Variants in MTUS2 observed in about 807,000 individuals in gnomAD.
MTUS2 encodes the protein microtubule-associated tumor suppressor candidate 2.
MTUS2 carries 40 observed loss-of-function variants against 114.1 expected under a neutral mutation model. That is an observed-to-expected ratio of 0.35 (90% CI 0.27 to 0.46). The LOEUF (loss-of-function observed/expected upper bound fraction) is 0.46, where lower values mean the gene tolerates loss of function less well. MTUS2 is among the 20% of genes least tolerant of loss of function. The probability of loss-of-function intolerance (pLI) is 1.00; values close to 1 mark genes in which losing one functional copy is unlikely to be tolerated. For synonymous variants in MTUS2, 688 were observed against 672.0 expected (o/e 1.02, Z -0.37); for missense variants, 1,679 against 1,705.4 (o/e 0.98, Z 0.27).
chr13:29,343,976 G>A (rs954527094), intron 7 of MTUS2, among the ~76,000 whole-genome samples: 12 of 152,072 alleles, frequency 7.9e-5, no homozygotes, highest in African/African-American at 2.2e-4. Context: ...GGTTCCTTTT[G>A]GAGTTGAGTT....
At chr13:29,066,959 A>C (rs1260805428) in intron 4 of MTUS2, among the ~76,000 whole-genome samples, 1 of 152,174 alleles carries the variant, frequency 6.6e-6, no homozygotes, top group Non-Finnish European at 1.5e-5. Context: ...AAGGTAGAAT[A>C]TAGATCTGTC....
rs757249069 is a variant in MTUS2 at position 29,033,968 on chromosome 13, C to T, written c.2289C>T (p.Ala763=). The change falls in exon 4 of 16, where the codon GCC becomes GCT. Residue 763 remains alanine (A), a synonymous_variant. Transcript: ENST00000612955. ...YEVPPTFYRS[A]MLLKPQLGLG... ...TCCCTCCAACTTTCTATCGGTCAGC[C>T]ATGCTCCTTAAGCCCCAGCTAGGAT... 1.1e-5 allele frequency: 18 copies of T among 1,613,870 alleles called. No homozygotes were observed. Among genetic ancestry groups the T allele is most frequent in the Admixed American group, 1.7e-5 (1 of 60,000 alleles).
At chr13:28,992,263 G>C (rs1884895660) in intron 2 of MTUS2, among the ~76,000 whole-genome samples, 1 of 152,202 alleles carries the variant, frequency 6.6e-6, no homozygotes, top group Non-Finnish European at 1.5e-5. Flanking sequence ...CCTGCCTGGG[G>C]GAGGTAGATG....
At chr13:28,908,701 C>T (rs1880209030) in intron 2 of MTUS2, among the ~76,000 whole-genome samples, 2 of 151,396 alleles carry the variant, frequency 1.3e-5, no homozygotes, top group African/African-American at 4.9e-5. Flanking sequence ...GTTCTAGATC[C>T]CTGAGGAATC....
chr13:29,089,310 G>C (rs1889835930), intron 4 of MTUS2, among the ~76,000 whole-genome samples: 5 of 152,196 alleles, frequency 3.3e-5, no homozygotes, highest in Non-Finnish European at 4.4e-5. Flanking sequence ...TAGGGTTTCT[G>C]CTGAAAGGTC....
intron 8 of MTUS2, among the ~76,000 whole-genome samples, chr13:29,410,800 C>A (rs2388083): frequency 6.7e-6 from 1 of 148,580 alleles, no homozygotes; most frequent in Non-Finnish European, 1.5e-5. Context: ...TAAAGTCATT[C>A]CCACACTATT....
rs1566172446 is a variant in MTUS2 at position 29,389,341 on chromosome 13, G to GTGTATGTATGTATA, written c.3117+29868_3117+29869insTGTATGTATGTATA. 5.0e-4 allele frequency among the ~76,000 whole-genome samples: 40 copies of GTGTATGTATGTATA among 79,990 alleles called. 3 individuals carry two copies. Among genetic ancestry groups the GTGTATGTATGTATA allele is most frequent in the Non-Finnish European group, 7.4e-4 (32 of 43,356 alleles). 52.5% of individuals were successfully genotyped at this position (79,990 alleles called of 152,430 possible). ...TACACATATGTGTGTATATATGTATGCACGTGTGTGTATATATGTATGCAC... is the reference window on the plus strand; with the variant it reads ...TACACATATGTGTGTATATATGTATGTGTATGTATGTATACACGTGTGTGTATATATGTATGCAC... On this transcript the variant is annotated intron_variant, in intron 8 of 15. Coordinates refer to ENST00000612955, the MANE Select transcript of MTUS2 (RefSeq NM_001033602.4).
chr13:29,108,333 G>A (rs1422453811), intron 5 of MTUS2, among the ~76,000 whole-genome samples: 6 of 152,186 alleles, frequency 3.9e-5, no homozygotes, highest in Non-Finnish European at 7.3e-5. Flanking sequence ...ATGATGAGTT[G>A]CACCCAGAGA....
chr13:29,121,710 G>A (rs539046046), intron 5 of MTUS2, among the ~76,000 whole-genome samples: 18 of 151,032 alleles, frequency 1.2e-4, no homozygotes, highest in African/African-American at 3.2e-4. Flanking sequence ...TGGCTGGAGC[G>A]CAATGGCATG....
At chr13:28,911,434 G>A (rs533080806) in intron 2 of MTUS2, among the ~76,000 whole-genome samples, 19 of 151,452 alleles carry the variant, frequency 1.3e-4, no homozygotes, top group Admixed American at 2.0e-4. Flanking sequence ...TCAGCCTCCC[G>A]AAGTGCTGGG....
At chr13:29,094,740 T>C (rs1399291600) in intron 4 of MTUS2, among the ~76,000 whole-genome samples, 7 of 152,062 alleles carry the variant, frequency 4.6e-5, no homozygotes, top group African/African-American at 1.7e-4. Context: ...TAGTTTGCTC[T>C]TCTTTCTTCA....
At chr13:28,907,718 A>G (rs1037999526) in intron 2 of MTUS2, among the ~76,000 whole-genome samples, 2 of 151,656 alleles carry the variant, frequency 1.3e-5, no homozygotes, top group Admixed American at 6.6e-5. Flanking sequence ...CTAAATATAT[A>G]TGCACCCAAT....
intron 2 of MTUS2, among the ~76,000 whole-genome samples, chr13:29,023,049 A>G (rs1886360609): frequency 6.6e-6 from 1 of 152,220 alleles, no homozygotes. Context: ...ATCCATCATT[A>G]TAGGATGACC....
At chr13:29,260,209 C>T (rs1420662097) in intron 5 of MTUS2, among the ~76,000 whole-genome samples, 4 of 152,220 alleles carry the variant, frequency 2.6e-5, no homozygotes, top group Non-Finnish European at 5.9e-5. Flanking sequence ...TTCCACTGGG[C>T]TTCCCAATAG....
At chr13:29,220,729 C>T (rs9508318) in intron 5 of MTUS2, among the ~76,000 whole-genome samples, 112,398 of 152,088 alleles carry the variant, frequency 0.74, 41,633 homozygotes, top group East Asian at 0.8. Context: ...GATATAATAA[C>T]AATGAAAAAG....
chr13:29,269,154 A>G (rs1420158692), intron 5 of MTUS2, among the ~76,000 whole-genome samples: 4 of 152,208 alleles, frequency 2.6e-5, no homozygotes, highest in Non-Finnish European at 5.9e-5. Flanking sequence ...ATTTGACAGA[A>G]TATTAGCTTA....
At chr13:29,481,959 A>G (rs2138907043) in intron 10 of MTUS2, among the ~76,000 whole-genome samples, 1 of 152,300 alleles carries the variant, frequency 6.6e-6, no homozygotes, top group Middle Eastern at 3.4e-3. Flanking sequence ...TCCAGTCAGT[A>G]GACATTTGCA....
rs56095961 is a variant in MTUS2 at position 29,244,955 on chromosome 13, C to CAAAAAAAAAAAAAA, written c.2645-36736_2645-36723dup. 5.0e-3 allele frequency among the ~76,000 whole-genome samples: 301 copies of CAAAAAAAAAAAAAA among 60,482 alleles called. 4 individuals carry two copies. The highest frequency in any genetic ancestry group is 6.8e-3 in the East Asian group (11 of 1,614). 39.7% of individuals were successfully genotyped at this position (60,482 alleles called of 152,430 possible). On this transcript the variant is annotated intron_variant, in intron 5 of 15. Coordinates refer to ENST00000612955, the MANE Select transcript of MTUS2 (RefSeq NM_001033602.4). ...TGGGCGACAGAGCGAGACTCCGTCT[C>CAAAAAAAAAAAAAA]AAAAAAAAAAAAAAAAAAAAAAAAA...
At chr13:28,860,083 A>G (rs1441328184) in intron 2 of MTUS2, among the ~76,000 whole-genome samples, 1 of 152,176 alleles carries the variant, frequency 6.6e-6, no homozygotes, top group African/African-American at 2.4e-5. Context: ...GAATTTGCTT[A>G]ATTGCCATGT....
Sources: allele counts gnomAD v4.1 joint callset (sites outside exome capture counted in the v4.1 genomes callset), GRCh38; gene constraint gnomAD v4.1.1; transcripts MANE v1.5; gene names NCBI Gene and HGNC (gene_info 2026-07-23, HGNC 2026-07-21).